Variants in GRIN2B observed in about 807,000 individuals in gnomAD.
GRIN2B encodes the protein glutamate ionotropic receptor NMDA type subunit 2B, also known as glutamate receptor ionotropic, NMDA 2B.
A neutral mutation model predicts 114.5 loss-of-function variants in GRIN2B; 5 were observed. That is an observed-to-expected ratio of 0.04 (90% CI 0.02 to 0.09). The LOEUF (loss-of-function observed/expected upper bound fraction) is 0.09, where lower values mean the gene tolerates loss of function less well. GRIN2B is among the 10% of genes least tolerant of loss of function. The pLI is 1.00. For missense variants in GRIN2B, 1,108 were observed against 1,943.5 expected (o/e 0.57, Z 8.08); for synonymous variants, 787 against 745.1 (o/e 1.06, Z -0.92).
At chr12:13,717,146 A>G (rs2268116) in intron 4 of GRIN2B, among the ~76,000 whole-genome samples, 80,004 of 150,064 alleles carry the variant, frequency 0.53, 21,573 homozygotes, top group Middle Eastern at 0.57. Context: ...TGGAGTTTAT[A>G]TCTCCTTTTT....
chr12:13,664,281 G>A (rs2136529704), intron 5 of GRIN2B, among the ~76,000 whole-genome samples: 1 of 152,236 alleles, frequency 6.6e-6, no homozygotes, highest in South Asian at 2.1e-4. Flanking sequence ...AGGAAGGGAA[G>A]GTGGGTCAAC....
At position 13,916,735 on chromosome 12, in the gene GRIN2B, ATT is replaced by A. The variant is rs1866734876; in HGVS notation, c.-18-50511_-18-50510del. 9.8e-5 allele frequency among the ~76,000 whole-genome samples: 10 copies of A among 101,928 alleles called. No individual in the cohort carries two copies. The East Asian group carries it at 1.5e-3, about 15-fold the overall frequency. The allele number at this position is 101,928 out of a possible 152,430, so 66.9% of individuals were successfully genotyped here. A position where few individuals can be genotyped will look rare whatever the true frequency, so the allele number is the denominator to read the frequency against. ...TATACACACACACACACACACACAC[ATT>A]TGTGTGTGTGTGTGTGTGTGTGTAT... On this transcript the variant is annotated intron_variant, in intron 2 of 13. Transcript: ENST00000609686.
intron 5 of GRIN2B, chr12:13,634,060 G>T (rs1046033524): frequency 6.6e-6 from 1 of 152,314 alleles, no homozygotes; most frequent in South Asian, 2.1e-4. Flanking sequence ...ACCCAAGATG[G>T]ATTTCAAAGC....
intron 9 of GRIN2B, chr12:13,609,931 G>A (rs1426427957): frequency 6.6e-6 from 1 of 152,222 alleles, no homozygotes; most frequent in African/African-American, 2.4e-5. Context: ...GCCCATGTAT[G>A]TATTGTGACC....
chr12:13,794,314 G>A (rs1211876382), intron 3 of GRIN2B, among the ~76,000 whole-genome samples: 4 of 152,020 alleles, frequency 2.6e-5, no homozygotes, highest in South Asian at 2.1e-4. Flanking sequence ...GTTTCCCCAC[G>A]TCTACATTCT....
At chr12:13,925,728 C>A (rs1866900932) in intron 2 of GRIN2B, among the ~76,000 whole-genome samples, 1 of 152,080 alleles carries the variant, frequency 6.6e-6, no homozygotes, top group African/African-American at 2.4e-5. Context: ...TATTAAAATT[C>A]AAGCATTTCA....
chr12:13,710,268 T>C (rs946992536), intron 4 of GRIN2B, among the ~76,000 whole-genome samples: 2 of 152,046 alleles, frequency 1.3e-5, no homozygotes, highest in African/African-American at 2.4e-5. Flanking sequence ...CCACAGCCAA[T>C]ATCTTACTGA....
chr12:13,855,276 C>G (rs1865641184), intron 3 of GRIN2B, among the ~76,000 whole-genome samples: 1 of 151,912 alleles, frequency 6.6e-6, no homozygotes, highest in African/African-American at 2.4e-5. Flanking sequence ...AGCAAAAGCT[C>G]TATTTGTATC....
At position 13,645,225 on chromosome 12, in the gene GRIN2B, T is replaced by C. The variant is rs569766462; in HGVS notation, c.1126-28568A>G. On this transcript the variant is annotated intron_variant, in intron 5 of 13. Coordinates refer to ENST00000609686, the MANE Select transcript of GRIN2B (RefSeq NM_000834.5). ...TAGAGGCCATTGAAGGGTTATTAAC[T>C]GGACTAATTTCAATGTTGTGTCTTA... Among the ~76,000 whole-genome samples, 10 of 152,194 alleles carry C rather than the reference T, an allele frequency of 6.6e-5. No homozygotes were observed. The South Asian group carries it at 1.9e-3, about 28-fold the overall frequency.
intron 5 of GRIN2B, 26 bp downstream of exon 5, chr12:13,675,719 C>T (rs1206113806): frequency 7.3e-7 from 1 of 1,365,866 alleles, no homozygotes; most frequent in Admixed American, 1.7e-5. Flanking sequence ...CTACTTTGCT[C>T]AAGAATTGTC....
At chr12:13,945,047 AATT>A (rs1202191370) in intron 2 of GRIN2B, among the ~76,000 whole-genome samples, 4 of 152,218 alleles carry the variant, frequency 2.6e-5, no homozygotes, top group Non-Finnish European at 5.9e-5. Context: ...TAGAAAAATA[AATT>A]ACTTTTCTAG....
At chr12:13,927,566 G>A (rs2136820003) in intron 2 of GRIN2B, among the ~76,000 whole-genome samples, 1 of 152,138 alleles carries the variant, frequency 6.6e-6, no homozygotes, top group East Asian at 1.9e-4. Context: ...CCTACAGACT[G>A]TAGTTTGCCA....
At chr12:13,784,027 T>G (rs1864172758) in intron 3 of GRIN2B, among the ~76,000 whole-genome samples, 1 of 151,814 alleles carries the variant, frequency 6.6e-6, no homozygotes, top group South Asian at 2.1e-4. Context: ...ATCGAGACCA[T>G]CCTGACTAAC....
chr12:13,889,804 A>T (rs1176238437), intron 2 of GRIN2B, among the ~76,000 whole-genome samples: 1 of 152,232 alleles, frequency 6.6e-6, no homozygotes, highest in East Asian at 1.9e-4. Flanking sequence ...AAAAAGCAGT[A>T]CAATTTTCAC....
At chr12:13,931,050 T>A (rs569617884) in intron 2 of GRIN2B, among the ~76,000 whole-genome samples, 2 of 152,176 alleles carry the variant, frequency 1.3e-5, no homozygotes, top group Admixed American at 6.5e-5. Flanking sequence ...GTGGGACAGA[T>A]CACATATGGA....
In GRIN2B at chr12:13,557,073, C is replaced by T. The variant is rs1470761635; in HGVS notation, c.*5710G>A. ...TTTGTCATAGGAATAGATAGGCTAT[C>T]TCTTCTAAGTCATAGAGCTCACAGG... is the stretch of plus-strand genomic sequence containing the variant. On this transcript the variant is annotated 3_prime_UTR_variant, in exon 14 of 14. Transcript: ENST00000609686. The T allele has an allele frequency of 6.6e-6, 1 of 152,182 alleles. No homozygotes were observed. The highest frequency in any genetic ancestry group is 1.9e-4 in the East Asian group (1 of 5,194). 9.4% of individuals were successfully genotyped at this position (152,182 alleles called of 1,614,324 possible).
intron 3 of GRIN2B, among the ~76,000 whole-genome samples, chr12:13,791,960 C>G (rs561875283): frequency 6.6e-6 from 1 of 152,346 alleles, no homozygotes; most frequent in South Asian, 2.1e-4. Flanking sequence ...TGTACTCCCT[C>G]TCCCCTACCC....
intron 2 of GRIN2B, among the ~76,000 whole-genome samples, chr12:13,903,078 A>C (rs2136789545): frequency 6.6e-6 from 1 of 151,934 alleles, no homozygotes; most frequent in Admixed American, 6.5e-5. Flanking sequence ...TTCATGTAGC[A>C]CTTCTAGTGA....
At chr12:13,570,783 A>G (rs959212448) in intron 11 of GRIN2B, among the ~76,000 whole-genome samples, 2 of 152,212 alleles carry the variant, frequency 1.3e-5, no homozygotes, top group Non-Finnish European at 1.5e-5. Context: ...AAGGTAGAGG[A>G]AGAAATTTAG....
Sources: allele counts gnomAD v4.1 joint callset (sites outside exome capture counted in the v4.1 genomes callset), GRCh38; gene constraint gnomAD v4.1.1; transcripts MANE v1.5; gene names NCBI Gene and HGNC (gene_info 2026-07-23, HGNC 2026-07-21).